Variants in SSBP2 observed in about 807,000 individuals in gnomAD.
The protein encoded by SSBP2 is single-stranded DNA-binding protein 2.
A neutral mutation model predicts 61.8 loss-of-function variants in SSBP2; 17 were observed. That is an observed-to-expected ratio of 0.28 (90% CI 0.19 to 0.41). The LOEUF is 0.41. Among genes scored for constraint, SSBP2 ranks in the 10% least tolerant of loss-of-function variants. The pLI is 1.00. For synonymous variants in SSBP2, 139 were observed against 141.3 expected, an observed-to-expected ratio of 0.98 and a Z score of 0.12; for missense variants, 310 against 458.7, an observed-to-expected ratio of 0.68 and a Z score of 2.96.
rs1193111954 is a variant in SSBP2 at position 81,418,932 on chromosome 5, T to G, written c.*1572A>C. On this transcript the variant is annotated 3_prime_UTR_variant, in exon 17 of 17. Coordinates refer to ENST00000320672, the MANE Select transcript of SSBP2 (RefSeq NM_012446.5). ...CTTACCTGCAATTAAACAATGCTTT[T>G]CAAAGTCTCTAGAGTTTGGATTCAT... 6.6e-6 allele frequency: 1 copy of G among 152,220 alleles called. No homozygotes were observed. The highest frequency in any genetic ancestry group is 1.5e-5 in the Non-Finnish European group (1 of 68,040). 9.4% of individuals were successfully genotyped at this position (152,220 alleles called of 1,614,324 possible).
chr5:81,473,356 G>A (rs1456364671), intron 8 of SSBP2, among the ~76,000 whole-genome samples: 1 of 152,058 alleles, frequency 6.6e-6, no homozygotes, highest in Non-Finnish European at 1.5e-5. Flanking sequence ...TGTCATCTAG[G>A]TTTTAAGCCC....
Position 81,636,566 on chromosome 5 carries a change from G to A in SSBP2, c.188C>T (p.Ser63Phe), listed in dbSNP as rs1450623915. The A allele has an allele frequency of 6.2e-7, 1 of 1,611,114 alleles. No homozygotes were observed. Among genetic ancestry groups the A allele is most frequent in the East Asian group, 2.2e-5 (1 of 44,812 alleles). Residue 63 changes from serine to phenylalanine, a missense_variant, in exon 3 of 17, where the codon TCT becomes TTT. This residue lies in a region of SSBP2 where 21 missense variants were observed against 59.1 expected (regional missense o/e 0.36). Coordinates refer to ENST00000320672, the MANE Select transcript of SSBP2 (RefSeq NM_012446.5). ...AATAAAGGATACTTACCACCACCAAGAATGTAAGAATCCTGGTGGTTCCCC... is the reference window on the plus strand; with the variant it reads ...AATAAAGGATACTTACCACCACCAAAAATGTAAGAATCCTGGTGGTTCCCC...
intron 1 of SSBP2, among the ~76,000 whole-genome samples, chr5:81,675,506 T>C (rs1056950159): frequency 2.0e-5 from 3 of 152,196 alleles, no homozygotes; most frequent in Non-Finnish European, 4.4e-5. Context: ...ACAAGTGGAA[T>C]AGATACCTAG....
chr5:81,735,029 T>C (rs2154002252), intron 1 of SSBP2, among the ~76,000 whole-genome samples: 1 of 149,628 alleles, frequency 6.7e-6, no homozygotes, highest in Admixed American at 6.6e-5. Flanking sequence ...CATATGCTCC[T>C]CACTGCCGAT....
At chr5:81,582,154 A>AT (rs1774702291) in intron 4 of SSBP2, among the ~76,000 whole-genome samples, 1 of 152,172 alleles carries the variant, frequency 6.6e-6, no homozygotes, top group Admixed American at 6.5e-5. Flanking sequence ...AAATAAAAGC[A>AT]TTCATCTTTG....
rs1329892034 is a variant in SSBP2, at chr5:81,616,760, C to T, written c.198-1203G>A. 7.3e-5 allele frequency among the ~76,000 whole-genome samples: 11 copies of T among 151,212 alleles called. No homozygotes were observed. The East Asian group carries it at 7.9e-4, about 11-fold the overall frequency. ...CAGCACGCAGCTGGAGATCTGAGAACGGGCAGACTGCCTCCTCAAGTGGGT... is the reference window on the plus strand; with the variant it reads ...CAGCACGCAGCTGGAGATCTGAGAATGGGCAGACTGCCTCCTCAAGTGGGT... On this transcript the variant is annotated intron_variant, in intron 3 of 16. Transcript: ENST00000320672.
chr5:81,644,589 T>C (rs554167805), intron 2 of SSBP2, among the ~76,000 whole-genome samples: 1 of 152,340 alleles, frequency 6.6e-6, no homozygotes, highest in African/African-American at 2.4e-5. Flanking sequence ...GTGCCTATAC[T>C]GTACAATGCC....
intron 6 of SSBP2, among the ~76,000 whole-genome samples, chr5:81,481,799 A>G (rs983559547): frequency 2.6e-5 from 4 of 151,726 alleles, no homozygotes; most frequent in Non-Finnish European, 4.4e-5. Flanking sequence ...ACCAAGGAGT[A>G]GTAAAAAATA....
intron 1 of SSBP2, among the ~76,000 whole-genome samples, chr5:81,708,497 C>G (rs1754551499): frequency 6.6e-6 from 1 of 152,002 alleles, no homozygotes; most frequent in Non-Finnish European, 1.5e-5. Flanking sequence ...ACCAATGCGT[C>G]ATGTTAGAGA....
chr5:81,460,988 G>C (rs1365757877), intron 10 of SSBP2, 67 bp downstream of exon 10: 26 of 1,017,224 alleles, frequency 2.6e-5, no homozygotes, highest in Non-Finnish European at 3.3e-5. Context: ...AAAGCAAAAT[G>C]TTTTTGTGAT....
chr5:81,577,777 T>C (rs979265666), intron 4 of SSBP2, among the ~76,000 whole-genome samples: 1 of 152,034 alleles, frequency 6.6e-6, no homozygotes, highest in Admixed American at 6.6e-5. Flanking sequence ...CATCTTTTTT[T>C]CTACATCTTT....
At chr5:81,664,322 G>T (rs1750936269) in intron 1 of SSBP2, among the ~76,000 whole-genome samples, 1 of 151,694 alleles carries the variant, frequency 6.6e-6, no homozygotes, top group African/African-American at 2.4e-5. Context: ...TAGAGATGGG[G>T]TTTCACCATG....
At chr5:81,696,258 C>G (rs147351258) in intron 1 of SSBP2, among the ~76,000 whole-genome samples, 2 of 152,168 alleles carry the variant, frequency 1.3e-5, no homozygotes, top group African/African-American at 4.8e-5. Context: ...GGATTCTCCA[C>G]GCCCAGAATG....
chr5:81,622,892 T>G (rs1220406830), intron 3 of SSBP2, among the ~76,000 whole-genome samples: 1 of 152,176 alleles, frequency 6.6e-6, no homozygotes, highest in Non-Finnish European at 1.5e-5. Flanking sequence ...CGTGAAAAAC[T>G]GCGTATCGAC....
chr5:81,553,492 T>C (rs1374913567), intron 4 of SSBP2, among the ~76,000 whole-genome samples: 2 of 152,174 alleles, frequency 1.3e-5, no homozygotes, highest in Non-Finnish European at 2.9e-5. Flanking sequence ...AAAATATCAT[T>C]ACTGAAGTAA....
chr5:81,728,936 CTTA>C (rs995007473), intron 1 of SSBP2, among the ~76,000 whole-genome samples: 1 of 152,084 alleles, frequency 6.6e-6, no homozygotes, highest in Non-Finnish European at 1.5e-5. Flanking sequence ...TTTTAAATTA[CTTA>C]TTGAGTCTTA....
chr5:81,674,757 A>G (rs1224413448), intron 1 of SSBP2, among the ~76,000 whole-genome samples: 3 of 151,388 alleles, frequency 2.0e-5, no homozygotes, highest in Non-Finnish European at 2.9e-5. Flanking sequence ...ACTAATATTG[A>G]CAATTACAAA....
chr5:81,541,605 A>AGAAAAAAAG (rs1771276968), intron 4 of SSBP2, among the ~76,000 whole-genome samples: 2 of 152,306 alleles, frequency 1.3e-5, no homozygotes, highest in South Asian at 4.1e-4. Flanking sequence ...TAGAGAACCC[A>AGAAAAAAAG]GAAAAAAAGC....
intron 4 of SSBP2, among the ~76,000 whole-genome samples, chr5:81,515,967 G>A (rs953703102): frequency 4.0e-5 from 6 of 151,546 alleles, no homozygotes; most frequent in Non-Finnish European, 5.9e-5. Context: ...TTTAAGTTTT[G>A]TAATATAGTA....
Sources: gnomAD v4.1 joint callset for allele counts (sites outside exome capture counted in the v4.1 genomes callset) on GRCh38, gnomAD v4.1.1 for gene constraint, gnomAD v4.1.1 regional missense constraint, MANE v1.5 for transcripts, NCBI Gene and HGNC (gene_info 2026-07-23, HGNC 2026-07-21) for gene names.